Variants in GMDS observed in about 807,000 individuals in gnomAD.
The protein encoded by GMDS is GDP-mannose 4,6-dehydratase.
GMDS carries 20 observed loss-of-function variants against 49.9 expected under a neutral mutation model. The ratio of observed to expected loss-of-function variants is 0.40; its 90% CI spans 0.28 to 0.58. The LOEUF (loss-of-function observed/expected upper bound fraction) is 0.58, where lower values mean the gene tolerates loss of function less well. Among genes scored for constraint, GMDS ranks in the 20% least tolerant of loss-of-function variants. GMDS has a pLI of 0.42. For missense variants in GMDS, 362 were observed against 481.4 expected (o/e 0.75, Z 2.32); for synonymous variants, 177 against 178.6 (o/e 0.99, Z 0.07).
chr6:1,810,723 G>A (rs1412200033), intron 7 of GMDS, among the ~76,000 whole-genome samples: 7 of 152,154 alleles, frequency 4.6e-5, no homozygotes, highest in Non-Finnish European at 1.0e-4. Context: ...CTCAGCCAAA[G>A]GAGATGACTG....
chr6:2,020,132 G>A (rs1768185006), intron 4 of GMDS, among the ~76,000 whole-genome samples: 1 of 152,152 alleles, frequency 6.6e-6, no homozygotes, highest in African/African-American at 2.4e-5. Context: ...AAACTGCTAT[G>A]AGCCTTAGGA....
chr6:2,117,748 C>G (rs941268680), intron 2 of GMDS, among the ~76,000 whole-genome samples, 192 bp from the exon 3 acceptor site: 1 of 152,172 alleles, frequency 6.6e-6, no homozygotes, highest in South Asian at 2.1e-4. Context: ...CTTTCCCCAG[C>G]GATTTTACTG....
At chr6:2,220,767 CG>C (rs1478314200) in intron 1 of GMDS, among the ~76,000 whole-genome samples, 1 of 150,130 alleles carries the variant, frequency 6.7e-6, no homozygotes, top group Non-Finnish European at 1.5e-5. Context: ...ATTTCAAAAT[CG>C]GAAAAAAAAA....
At chr6:1,731,554 C>T (rs1350432053) in intron 8 of GMDS, among the ~76,000 whole-genome samples, 1 of 152,130 alleles carries the variant, frequency 6.6e-6, no homozygotes, top group Non-Finnish European at 1.5e-5. Flanking sequence ...GTAACACCTT[C>T]AAAGTTCTGA....
intron 1 of GMDS, among the ~76,000 whole-genome samples, chr6:2,218,214 GA>G (rs1387008250): frequency 1.3e-5 from 2 of 152,052 alleles, no homozygotes; most frequent in Non-Finnish European, 2.9e-5. Flanking sequence ...AGAAAAAGAG[GA>G]AAAGAAAGAG....
intron 3 of GMDS, 136 bp downstream of exon 3, chr6:2,117,333 G>C (rs1345187523): frequency 6.2e-6 from 4 of 647,310 alleles, no homozygotes; most frequent in African/African-American, 5.5e-5. Flanking sequence ...ATCGTATTCA[G>C]TGCAGTAATT....
At chr6:1,805,472 C>A (rs1243021234) in intron 7 of GMDS, among the ~76,000 whole-genome samples, 1 of 152,144 alleles carries the variant, frequency 6.6e-6, no homozygotes, top group East Asian at 1.9e-4. Flanking sequence ...GGTCCAGGCA[C>A]CTCTGGAGGT....
chr6:1,698,892 T>C (rs1308428420), intron 9 of GMDS, among the ~76,000 whole-genome samples: 1 of 150,854 alleles, frequency 6.6e-6, no homozygotes, highest in Admixed American at 6.6e-5. Flanking sequence ...CCAAATGGAA[T>C]TCCAACGATA....
intron 4 of GMDS, among the ~76,000 whole-genome samples, chr6:1,968,600 A>C (rs1250171586): frequency 6.6e-6 from 1 of 152,068 alleles, no homozygotes; most frequent in Non-Finnish European, 1.5e-5. Context: ...CTCAAATGGT[A>C]GTCTGGGAGG....
intron 7 of GMDS, among the ~76,000 whole-genome samples, chr6:1,890,645 T>C (rs781112027): frequency 6.6e-6 from 1 of 152,168 alleles, no homozygotes; most frequent in Non-Finnish European, 1.5e-5. Flanking sequence ...GAAGGCTATG[T>C]CTAATTAAAG....
chr6:1,925,089 T>C (rs1761928463), intron 7 of GMDS, among the ~76,000 whole-genome samples: 1 of 152,236 alleles, frequency 6.6e-6, no homozygotes, highest in Non-Finnish European at 1.5e-5. Flanking sequence ...CTAATTTTTG[T>C]TCAAAATGCA....
chr6:2,103,496 G>C (rs986451466), intron 4 of GMDS, among the ~76,000 whole-genome samples: 1 of 152,112 alleles, frequency 6.6e-6, no homozygotes, highest in Non-Finnish European at 1.5e-5. Context: ...AAAAAATAGA[G>C]GGTAGGAGAA....
At chr6:2,077,151 A>G (rs1772392124) in intron 4 of GMDS, among the ~76,000 whole-genome samples, 1 of 152,144 alleles carries the variant, frequency 6.6e-6, no homozygotes, top group Non-Finnish European at 1.5e-5. Flanking sequence ...GTATTCTGCA[A>G]CTTGGCTGAA....
At chr6:1,820,354 T>C (rs2113701857) in intron 7 of GMDS, among the ~76,000 whole-genome samples, 1 of 152,312 alleles carries the variant, frequency 6.6e-6, no homozygotes, top group East Asian at 1.9e-4. Context: ...CCTTTGGCAG[T>C]CAAACAAAAA....
chr6:1,733,883 G>C (rs998834776), intron 8 of GMDS, among the ~76,000 whole-genome samples: 1 of 152,110 alleles, frequency 6.6e-6, no homozygotes, highest in Non-Finnish European at 1.5e-5. Flanking sequence ...AGGGCTGAGT[G>C]GGGAGGCTGA....
At chr6:1,744,690 C>T (rs1353694428) in intron 7 of GMDS, among the ~76,000 whole-genome samples, 6 of 152,220 alleles carry the variant, frequency 3.9e-5, no homozygotes, top group African/African-American at 1.4e-4. Flanking sequence ...GCACCAAGGC[C>T]TGTGTGCACG....
intron 1 of GMDS, among the ~76,000 whole-genome samples, chr6:2,159,506 CT>C (rs968406886): frequency 2.2e-5 from 3 of 134,942 alleles, no homozygotes; most frequent in Admixed American, 7.3e-5. Flanking sequence ...TTCAATATTT[CT>C]TTTTTTCTTT....
chr6:1,637,466 T>TG (rs1763195486), intron 9 of GMDS, among the ~76,000 whole-genome samples: 1 of 152,262 alleles, frequency 6.6e-6, no homozygotes. Context: ...TCCGGGGAGC[T>TG]GTCACCTGTG....
intron 4 of GMDS, among the ~76,000 whole-genome samples, chr6:2,090,876 C>T (rs1410713402): frequency 6.6e-6 from 1 of 152,154 alleles, no homozygotes; most frequent in African/African-American, 2.4e-5. Context: ...ACACTATATT[C>T]ATTATGTGAT....
Sources: allele counts gnomAD v4.1 joint callset (sites outside exome capture counted in the v4.1 genomes callset), GRCh38; gene constraint gnomAD v4.1.1; transcripts MANE v1.5; gene names NCBI Gene and HGNC (gene_info 2026-07-23, HGNC 2026-07-21).